CPSF2: variants seen among roughly 807,000 people sequenced by gnomAD.
CPSF2 encodes cleavage and polyadenylation specific factor 2.
A neutral mutation model predicts 84.2 loss-of-function variants in CPSF2; 51 were observed. That is an observed-to-expected ratio of 0.61 (90% CI 0.48 to 0.77). The LOEUF (loss-of-function observed/expected upper bound fraction) is 0.77. Ranked by LOEUF, CPSF2 falls within the 30% of genes least tolerant of loss-of-function variation. The pLI is 0.00. For synonymous variants in CPSF2, 286 were observed against 311.9 expected, an observed-to-expected ratio of 0.92 and a Z score of 0.87; for missense variants, 641 against 929.4, an observed-to-expected ratio of 0.69 and a Z score of 4.03.
chr14:92,123,642 G>C (rs2068808464), intron 1 of CPSF2, among the ~76,000 whole-genome samples: 1 of 152,126 alleles, frequency 6.6e-6, no homozygotes, highest in African/African-American at 2.4e-5. Context: ...CAAGTGATCT[G>C]CCCTCCTCGG....
At chr14:92,150,359 C>T (rs1464393046) in intron 9 of CPSF2, among the ~76,000 whole-genome samples, 3 of 151,646 alleles carry the variant, frequency 2.0e-5, no homozygotes, top group Non-Finnish European at 2.9e-5. Flanking sequence ...TGACCTCAGG[C>T]GATCCACCTG....
intron 3 of CPSF2, among the ~76,000 whole-genome samples, chr14:92,132,227 A>C (rs1420949971): frequency 6.6e-6 from 1 of 151,780 alleles, no homozygotes; most frequent in Admixed American, 6.6e-5. Flanking sequence ...TTCCGCCTCC[A>C]GGGTTCAAGT....
intron 8 of CPSF2, among the ~76,000 whole-genome samples, chr14:92,142,721 G>A (rs2069094235): frequency 6.6e-6 from 1 of 152,038 alleles, no homozygotes; most frequent in Admixed American, 6.6e-5. Context: ...AGCAATCTTT[G>A]GGAGTAAGAT....
chr14:92,127,028 C>A (rs1301411806), intron 2 of CPSF2, among the ~76,000 whole-genome samples: 1 of 152,142 alleles, frequency 6.6e-6, no homozygotes, highest in Non-Finnish European at 1.5e-5. Flanking sequence ...AGCCATGCCC[C>A]ATTCCTTCCT....
chr14:92,166,898 A>G lies in CPSF2; in HGVS notation c.*5154A>G, dbSNP rs752311340. 2 of 152,048 alleles carry G rather than the reference A, an allele frequency of 1.3e-5. No homozygotes were observed. The highest frequency in any genetic ancestry group is 6.6e-5 in the Admixed American group (1 of 15,258). 9.4% of individuals were successfully genotyped at this position (152,048 alleles called of 1,614,324 possible). A position where few individuals can be genotyped will look rare whatever the true frequency, so the allele number is the denominator to read the frequency against. On this transcript the variant is annotated 3_prime_UTR_variant, in exon 16 of 16. Coordinates refer to ENST00000298875, the MANE Select transcript of CPSF2 (RefSeq NM_017437.3). ...TACTGTAGCTTTGTAGTAACTTTTG[A>G]AATTGGGGAAGTGTGAGTTCCCCAA...
At chr14:92,155,033 TTGAG>T (rs2069270495) in intron 10 of CPSF2, 86 bp from the exon 11 acceptor site, 4 of 821,726 alleles carry the variant, frequency 4.9e-6, no homozygotes, top group Non-Finnish European at 7.7e-6. Flanking sequence ...ATTAATAATA[TTGAG>T]TATGGATTCA....
intron 1 of CPSF2, among the ~76,000 whole-genome samples, chr14:92,124,782 T>TGAATATTGATTGATTGATTGATTG (rs2068824887): frequency 6.6e-6 from 1 of 152,206 alleles, no homozygotes; most frequent in African/African-American, 2.4e-5. Flanking sequence ...TCAACATGAT[T>TGAATATTGATTGATTGATTGATTG]ACATGTTGAA....
At chr14:92,131,728 A>G (rs1390125821) in intron 3 of CPSF2, among the ~76,000 whole-genome samples, 1 of 152,040 alleles carries the variant, frequency 6.6e-6, no homozygotes, top group Non-Finnish European at 1.5e-5. Context: ...AATCCCAGCT[A>G]CTTGGGAGGC....
At chr14:92,133,758 A>C (rs2068964963) in intron 3 of CPSF2, among the ~76,000 whole-genome samples, 1 of 152,098 alleles carries the variant, frequency 6.6e-6, no homozygotes, top group African/African-American at 2.4e-5. Flanking sequence ...GTGCCATCAC[A>C]CATGGCCTTC....
At chr14:92,140,732 G>A (rs533818435) in intron 7 of CPSF2, among the ~76,000 whole-genome samples, 3 of 151,868 alleles carry the variant, frequency 2.0e-5, no homozygotes, top group South Asian at 2.1e-4. Context: ...ATGCCTGGCC[G>A]CAATCCCCAT....
chr14:92,147,739 G>A (rs1297234244), intron 9 of CPSF2, among the ~76,000 whole-genome samples: 1 of 151,978 alleles, frequency 6.6e-6, no homozygotes, highest in Non-Finnish European at 1.5e-5. Flanking sequence ...TATTTTTTGA[G>A]ACAGGGTCAT....
Position 92,155,174 on chromosome 14 carries a change from G to T in CPSF2, c.1293G>T (p.Gln431His). The change falls in exon 11 of 16, where the codon CAG (glutamine) becomes CAT (histidine). Residue 431 changes from glutamine to histidine, a missense_variant. Physicochemically the swap from Gln to His is conservative, Grantham distance 24. Around this residue, in one of 2 missense-constraint regions of CPSF2, gnomAD observed 430 missense variants for 553.6 expected, o/e 0.78. Transcript: ENST00000298875. ...GTGATATTGAGGAAGATATTGACCA[G>T]CCATCAGCTCATAAGACGAAGCATG... is the stretch of plus-strand genomic sequence containing the variant. ...DESDIEEDID[Q>H]PSAHKTKHDL... The T allele has an allele frequency of 6.2e-7, 1 of 1,613,988 alleles. No homozygotes were observed.
chr14:92,132,768 G>A (rs1263881171), intron 3 of CPSF2, among the ~76,000 whole-genome samples: 1 of 147,436 alleles, frequency 6.8e-6, no homozygotes, highest in African/African-American at 2.5e-5. Flanking sequence ...GTGAAACTCC[G>A]TCTCAAAAAA....
chr14:92,155,227 G>A lies in CPSF2; in HGVS notation c.1346G>A (p.Arg449His), dbSNP rs761607995. The A allele has an allele frequency of 1.3e-5, 21 of 1,613,868 alleles. No individual in the cohort carries two copies. The highest frequency in any genetic ancestry group is 1.7e-5 in the Non-Finnish European group (20 of 1,179,908). Residue 449 changes from arginine to histidine, a missense_variant, in exon 11 of 16, where the codon CGT (arginine) becomes CAT (histidine). Physicochemically the swap from Arg to His is conservative, Grantham distance 29. Around this residue, in one of 2 missense-constraint regions of CPSF2, gnomAD observed 430 missense variants for 553.6 expected, o/e 0.78. Transcript: ENST00000298875. ...HDLMMKGEGS[R>H]KGSFFKQAKK... Reference sequence around the variant, plus strand: ...TTGATGATGAAAGGTGAAGGCAGTCGTAAAGGAAGTTTTTTCAAACAGGCA... The same window carrying A: ...TTGATGATGAAAGGTGAAGGCAGTCATAAAGGAAGTTTTTTCAAACAGGCA...
intron 3 of CPSF2, among the ~76,000 whole-genome samples, chr14:92,131,725 G>T (rs1261475196): frequency 6.6e-6 from 1 of 151,978 alleles, no homozygotes; most frequent in African/African-American, 2.4e-5. Flanking sequence ...TATAATCCCA[G>T]CTACTTGGGA....
rs1409624902 is a variant in CPSF2 at position 92,170,985 on chromosome 14, TATTA to T, written c.*9248_*9251del. 12 of 152,364 alleles carry T rather than the reference TATTA, an allele frequency of 7.9e-5. No individual in the cohort carries two copies. The highest frequency in any genetic ancestry group is 1.9e-4 in the East Asian group (1 of 5,188). The allele number at this position is 152,364 out of a possible 1,614,324, so 9.4% of individuals were successfully genotyped here. On this transcript the variant is annotated 3_prime_UTR_variant, in exon 16 of 16. Coordinates refer to ENST00000298875, the MANE Select transcript of CPSF2 (RefSeq NM_017437.3). ...TCCATAGTGAAATGATTATTACAGG[TATTA>T]ATTAATGAGGAATTACGTATTTTGT...
At chr14:92,151,911 CTGAAG>C (rs2069223520) in intron 9 of CPSF2, among the ~76,000 whole-genome samples, 1 of 150,714 alleles carries the variant, frequency 6.6e-6, no homozygotes, top group Non-Finnish European at 1.5e-5. Flanking sequence ...TGGTGGATGG[CTGAAG>C]TGGGAGGATC....
At position 92,157,917 on chromosome 14, in the gene CPSF2, A is replaced by G. The variant is rs1169961929; in HGVS notation, c.1821+33A>G. ...TGCCAGGAGTTGCCATTGAGTAGAA[A>G]TAAGTACTTTTTGTTGCAGGTTAGG... On this transcript the variant is annotated intron_variant, in intron 13 of 15. Transcript: ENST00000298875. This position sits in a 1 kb window ranked among gnomAD's most constrained non-coding sequence, Gnocchi z 4.0. The G allele has an allele frequency of 6.9e-7, 1 of 1,459,216 alleles. No individual in the cohort carries two copies. The highest frequency in any genetic ancestry group is 1.7e-5 in the Admixed American group (1 of 59,760). The allele number at this position is 1,459,216 out of a possible 1,614,324, so 90.4% of individuals were successfully genotyped here. A position where few individuals can be genotyped will look rare whatever the true frequency, so the allele number is the denominator to read the frequency against.
chr14:92,144,877 A>G (rs1421402319), intron 9 of CPSF2, among the ~76,000 whole-genome samples: 4 of 152,076 alleles, frequency 2.6e-5, no homozygotes, highest in African/African-American at 4.8e-5. Flanking sequence ...TCTTGTCTCA[A>G]ACTTAATGTA....
Sources: allele counts gnomAD v4.1 joint callset (sites outside exome capture counted in the v4.1 genomes callset), GRCh38; gene constraint gnomAD v4.1.1; regional missense constraint gnomAD v4.1.1; non-coding constraint Gnocchi (gnomAD v3.1); transcripts MANE v1.5; gene names NCBI Gene and HGNC (gene_info 2026-07-23, HGNC 2026-07-21).